The following SREK1 variants were observed in gnomAD, a reference collection of about 807,000 sequenced individuals.
SREK1 encodes the protein splicing regulatory glutamic acid and lysine rich protein 1.
A neutral mutation model predicts 66.5 loss-of-function variants in SREK1; 13 were observed. The ratio of observed to expected loss-of-function variants is 0.20; its 90% CI spans 0.13 to 0.31. SREK1 has a LOEUF of 0.31. Ranked by LOEUF, SREK1 falls within the 10% of genes least tolerant of loss-of-function variation. The pLI is 1.00. For synonymous variants in SREK1, 265 were observed against 263.5 expected, an observed-to-expected ratio of 1.01 and a Z score of -0.05; for missense variants, 607 against 769.6, an observed-to-expected ratio of 0.79 and a Z score of 2.50.
intron 10 of SREK1, 123 bp downstream of exon 10, chr5:66,175,164 CAGAA>C: frequency 2.6e-6 from 2 of 760,478 alleles, no homozygotes; most frequent in Non-Finnish European, 4.0e-6. Context: ...ATGCATTATT[CAGAA>C]ATTAAAGATA....
Position 66,164,862 on chromosome 5 carries a change from C to T in SREK1, c.966C>T (p.Ser322=). The T allele has an allele frequency of 6.2e-7, 1 of 1,613,818 alleles. No homozygotes were observed. The highest frequency in any genetic ancestry group is 8.5e-7 in the Non-Finnish European group (1 of 1,179,824). Residue 322 remains serine, a synonymous_variant, in exon 7 of 12, where the codon TCC becomes TCT. Coordinates refer to ENST00000334121, the MANE Select transcript of SREK1 (RefSeq NM_001077199.3). The stretch of plus-strand genomic sequence containing the variant: ...CAAAATCCAGGTCTAGCTCAAAATC[C>T]CATTCTAGAAGGAAAAGATCACAAT... ...TRSKSRSSSK[S]HSRRKRSQSK... is the part of the protein sequence containing the mutation.
chr5:66,149,000 C>T (rs866188020), intron 1 of SREK1, among the ~76,000 whole-genome samples: 3 of 152,134 alleles, frequency 2.0e-5, no homozygotes, highest in Admixed American at 6.6e-5. Context: ...CAAATATTTG[C>T]ATTTTTATAA....
intron 1 of SREK1, chr5:66,144,837 A>C: frequency 9.2e-7 from 1 of 1,091,286 alleles, no homozygotes; most frequent in South Asian, 3.5e-5. Context: ...CCACCCTCTT[A>C]TTTCCCCCCG....
chr5:66,164,780 C>T lies in SREK1; in HGVS notation c.887-3C>T. On this transcript the variant is annotated splice_polypyrimidine_tract_variant and splice_region_variant and intron_variant, in intron 6 of 11. Coordinates refer to ENST00000334121, the MANE Select transcript of SREK1 (RefSeq NM_001077199.3). The stretch of plus-strand genomic sequence containing the variant: ...ACACTGCAAAGTGATTTTTTCCTCC[C>T]AGAGTCTGGAAAGAGCAATGAAAGA... 6.2e-7 allele frequency: 1 copy of T among 1,613,912 alleles called. No homozygotes were observed. The highest frequency in any genetic ancestry group is 1.3e-5 in the African/African-American group (1 of 75,020).
In SREK1 at chr5:66,180,122, T is replaced by G. The variant is rs566067994; in HGVS notation, c.*1254T>G. The G allele has an allele frequency of 2.0e-5, 3 of 152,630 alleles. No individual in the cohort carries two copies. In the East Asian group the frequency reaches 5.8e-4, roughly 29 times the overall value. 9.5% of individuals were successfully genotyped at this position (152,630 alleles called of 1,614,324 possible). Reference sequence around the variant, plus strand: ...AATTGTACTTAAGGACTTAGGAGTATATGGGAGGTTATTGGTTTTATGTTT... The same window carrying G: ...AATTGTACTTAAGGACTTAGGAGTAGATGGGAGGTTATTGGTTTTATGTTT... On this transcript the variant is annotated 3_prime_UTR_variant, in exon 12 of 12. Transcript: ENST00000334121.
intron 10 of SREK1, among the ~76,000 whole-genome samples, chr5:66,175,524 A>G (rs755909595): frequency 2.6e-5 from 4 of 152,162 alleles, no homozygotes; most frequent in African/African-American, 4.8e-5. Flanking sequence ...TTTTTTTACC[A>G]TAAATTATGT....
At chr5:66,178,396 TC>T (rs1307282911) in intron 11 of SREK1, among the ~76,000 whole-genome samples, 2 of 152,040 alleles carry the variant, frequency 1.3e-5, no homozygotes, top group Non-Finnish European at 2.9e-5. Context: ...AGATTAAAAA[TC>T]TATCCTGGCA....
chr5:66,165,920 A>C (rs1360223138), intron 7 of SREK1: 2 of 152,164 alleles, frequency 1.3e-5, no homozygotes, highest in Non-Finnish European at 2.9e-5. Flanking sequence ...AAGAATGAGG[A>C]AAAATAGGAT....
At chr5:66,157,598 C>T in intron 2 of SREK1, 1 of 967,736 alleles carries the variant, frequency 1.0e-6, no homozygotes, top group Non-Finnish European at 1.2e-6. Context: ...TGTGTTAATA[C>T]CAATAACTAA....
intron 1 of SREK1, among the ~76,000 whole-genome samples, chr5:66,148,759 G>A (rs1743491926): frequency 1.3e-5 from 2 of 152,134 alleles, no homozygotes; most frequent in South Asian, 4.1e-4. Context: ...ACTGTGCCTG[G>A]CCTGCTAGTT....
chr5:66,156,205 C>G, intron 2 of SREK1: 7 of 1,278,790 alleles, frequency 5.5e-6, no homozygotes, highest in African/African-American at 1.5e-5. Context: ...GACGCCCTGT[C>G]TCTGTTTTTT....
At chr5:66,156,272 GT>G (rs1233054760) in intron 2 of SREK1, 32 of 1,314,866 alleles carry the variant, frequency 2.4e-5, no homozygotes, top group Non-Finnish European at 2.9e-5. Flanking sequence ...TTTTGTTTTT[GT>G]TTTTGTTTTT....
intron 9 of SREK1, among the ~76,000 whole-genome samples, chr5:66,172,439 A>T (rs1250181883): frequency 1.3e-5 from 2 of 152,212 alleles, no homozygotes; most frequent in Non-Finnish European, 2.9e-5. Flanking sequence ...CTCATCGCCC[A>T]GGCTGGAGTG....
intron 7 of SREK1, chr5:66,167,715 TTTA>T (rs1318413111): frequency 3.3e-5 from 5 of 152,200 alleles, no homozygotes; most frequent in African/African-American, 9.7e-5. Context: ...ATCAGTGCTT[TTTA>T]TTATTAACTT....
chr5:66,165,364 A>G, intron 7 of SREK1: 1 of 155,972 alleles, frequency 6.4e-6, no homozygotes, highest in South Asian at 1.9e-4. Context: ...AGTACCACGT[A>G]TCCAAAGGAA....
chr5:66,160,250 C>T (rs904735719), intron 3 of SREK1, among the ~76,000 whole-genome samples: 1 of 152,036 alleles, frequency 6.6e-6, no homozygotes, highest in Non-Finnish European at 1.5e-5. Flanking sequence ...AAATACAAAG[C>T]TTGCCTTAAT....
In SREK1 at chr5:66,156,591, CT is replaced by C. The variant is rs201060255; in HGVS notation, c.296-2627del. ...AACATTTTTCTAGTTTTTTTCCCCCCTAGTCTACATCTCTCATAAAAACTGA... is the reference window on the plus strand; with the variant it reads ...AACATTTTTCTAGTTTTTTTCCCCCCAGTCTACATCTCTCATAAAAACTGA... On this transcript the variant is annotated intron_variant, in intron 2 of 11. Transcript: ENST00000334121. 8,464 of 985,444 alleles carry C rather than the reference CT, an allele frequency of 8.6e-3. 30 individuals are homozygous for C. Among genetic ancestry groups the C allele is most frequent in the Admixed American group, 0.012 (198 of 16,282 alleles). 61.0% of individuals were successfully genotyped at this position (985,444 alleles called of 1,614,324 possible).
At chr5:66,145,158 A>G in intron 1 of SREK1, 2 of 985,440 alleles carry the variant, frequency 2.0e-6, no homozygotes, top group African/African-American at 3.5e-5. Flanking sequence ...GAAAGGTCAC[A>G]CTGTCCCAAA....
At chr5:66,158,265 T>G (rs1036898154) in intron 2 of SREK1, 2 of 152,118 alleles carry the variant, frequency 1.3e-5, no homozygotes, top group South Asian at 2.1e-4. Flanking sequence ...GTAGGGAGTT[T>G]TTTTCCTACT....
Sources: allele counts gnomAD v4.1 joint callset (sites outside exome capture counted in the v4.1 genomes callset), GRCh38; gene constraint gnomAD v4.1.1; transcripts MANE v1.5; gene names NCBI Gene and HGNC (gene_info 2026-07-23, HGNC 2026-07-21).